ACAD9: variants seen among roughly 807,000 people sequenced by gnomAD.
ACAD9 encodes complex I assembly factor ACAD9, mitochondrial.
A neutral mutation model predicts 70.2 loss-of-function variants in ACAD9; 53 were observed. The observed-to-expected ratio is 0.75, with a 90% CI of 0.61 to 0.95. The LOEUF (loss-of-function observed/expected upper bound fraction) is 0.95, where lower values mean the gene tolerates loss of function less well. Among genes scored for constraint, ACAD9 ranks in the 40% least tolerant of loss-of-function variants. The pLI is 0.00. For missense variants in ACAD9, 777 were observed against 802.8 expected (o/e 0.97, Z 0.39); for synonymous variants, 313 against 312.1 (o/e 1.00, Z -0.03).
rs1440041441 is a variant in ACAD9 at position 128,895,247 on chromosome 3, A to G, written c.347-63A>G. On this transcript the variant is annotated intron_variant, in intron 3 of 17. Transcript: ENST00000308982. Reference sequence around the variant, plus strand: ...ATAATCAGAAGAAAAAAAAAAGCCAATGAAGCCTTAATGGGAGGAATCTAG... The same window carrying G: ...ATAATCAGAAGAAAAAAAAAAGCCAGTGAAGCCTTAATGGGAGGAATCTAG... The G allele has an allele frequency of 7.6e-6, 10 of 1,309,886 alleles. No homozygotes were observed. The African/African-American group carries it at 1.0e-4, about 14-fold the overall frequency. 81.1% of individuals were successfully genotyped at this position (1,309,886 alleles called of 1,614,324 possible).
rs370266841 is a variant in ACAD9 at position 128,908,215 on chromosome 3, G to A, written c.1309G>A (p.Ala437Thr). The stretch of plus-strand genomic sequence containing the variant: ...CAATGAGATTCTCCGGATGTACATC[G>A]CCCTGACGGGTCTGCAGCATGCCGG... ...GTNEILRMYI[A>T]LTGLQHAGRI... Residue 437 changes from alanine (A) to threonine (T), a missense_variant, in exon 13 of 18, where the codon GCC becomes ACC. Ala to Thr is a moderately conservative substitution (Grantham distance 58). Coordinates refer to ENST00000308982, the MANE Select transcript of ACAD9 (RefSeq NM_014049.5). 25 of 1,614,036 alleles carry A rather than the reference G, an allele frequency of 1.5e-5. No individual in the cohort carries two copies. The African/African-American group carries it at 1.9e-4, about 12-fold the overall frequency.
intron 15 of ACAD9, 57 bp downstream of exon 15, chr3:128,909,478 C>T: frequency 6.5e-7 from 1 of 1,530,836 alleles, no homozygotes; most frequent in South Asian, 1.1e-5. Context: ...GGCCAGCATT[C>T]ATGAGACTAC....
Position 128,879,689 on chromosome 3 carries a change from A to G in ACAD9, c.-3A>G. 6.2e-7 allele frequency: 1 copy of G among 1,612,374 alleles called. No homozygotes were observed. The highest frequency in any genetic ancestry group is 8.5e-7 in the Non-Finnish European group (1 of 1,179,878). On this transcript the variant is annotated 5_prime_UTR_variant, in exon 1 of 18. Transcript: ENST00000308982. ...AGGCTGAGGCTGGGGAACATCGGGC[A>G]GCATGAGCGGCTGCGGGCTCTTCCT...
chr3:128,912,104 G>C (rs1936389084), intron 17 of ACAD9, among the ~76,000 whole-genome samples: 1 of 152,200 alleles, frequency 6.6e-6, no homozygotes, highest in African/African-American at 2.4e-5. Flanking sequence ...TGTGGCACTT[G>C]CTGAGAGTGG....
chr3:128,897,855 A>AT, intron 6 of ACAD9, 145 bp downstream of exon 6: 8 of 817,614 alleles, frequency 9.8e-6, no homozygotes, highest in African/African-American at 1.7e-5. Flanking sequence ...TTTGTTTTTA[A>AT]TTTTTTTTAG....
At chr3:128,882,560 G>A (rs929555639) in intron 1 of ACAD9, among the ~76,000 whole-genome samples, 1 of 152,186 alleles carries the variant, frequency 6.6e-6, no homozygotes, top group African/African-American at 2.4e-5. Flanking sequence ...CTCAGATTGT[G>A]TAGGCCAGTG....
At chr3:128,899,512 T>A in intron 7 of ACAD9, 51 bp downstream of exon 7, 2 of 1,560,184 alleles carry the variant, frequency 1.3e-6, no homozygotes, top group Non-Finnish European at 1.7e-6. Flanking sequence ...AGGGGGAGAC[T>A]GGCCTTTGAC....
chr3:128,904,670 C>T (rs890191113), intron 11 of ACAD9, among the ~76,000 whole-genome samples, 165 bp downstream of exon 11: 3 of 152,114 alleles, frequency 2.0e-5, no homozygotes, highest in South Asian at 2.1e-4. Flanking sequence ...AGGCAGGCAG[C>T]GGGGAGCAGC....
intron 15 of ACAD9, 149 bp from the exon 16 acceptor site, chr3:128,909,872 C>T (rs772741021): frequency 5.3e-6 from 6 of 1,133,720 alleles, no homozygotes; most frequent in African/African-American, 1.5e-5. Context: ...GGGAGCCGTT[C>T]TCCCACAACC....
intron 1 of ACAD9, chr3:128,880,138 A>C: frequency 5.6e-6 from 5 of 891,410 alleles, no homozygotes; most frequent in Non-Finnish European, 8.0e-6. Flanking sequence ...CCTTCATCTC[A>C]GCTGGTCTGG....
At chr3:128,911,826 C>A (rs1936361491) in intron 17 of ACAD9, among the ~76,000 whole-genome samples, 2 of 152,226 alleles carry the variant, frequency 1.3e-5, no homozygotes, top group Admixed American at 6.5e-5. Flanking sequence ...CAGCATTTTA[C>A]CTGCCCCTTT....
intron 3 of ACAD9, among the ~76,000 whole-genome samples, chr3:128,894,774 A>G (rs905376941): frequency 5.3e-5 from 8 of 151,996 alleles, no homozygotes; most frequent in African/African-American, 1.7e-4. Flanking sequence ...GAACCAAGCA[A>G]TCCTCCCACC....
intron 1 of ACAD9, among the ~76,000 whole-genome samples, chr3:128,882,010 C>T (rs985856594): frequency 6.6e-6 from 1 of 152,150 alleles, no homozygotes; most frequent in Admixed American, 6.5e-5. Context: ...TCCCTGAACT[C>T]CAGATTCCTT....
chr3:128,890,739 A>G (rs1935397055), intron 2 of ACAD9, among the ~76,000 whole-genome samples: 1 of 152,178 alleles, frequency 6.6e-6, no homozygotes, highest in Non-Finnish European at 1.5e-5. Flanking sequence ...GTTTAGAACT[A>G]TGATTCATTA....
intron 12 of ACAD9, among the ~76,000 whole-genome samples, chr3:128,907,733 C>T (rs556834605): frequency 1.3e-5 from 2 of 152,244 alleles, no homozygotes; most frequent in South Asian, 4.1e-4. Context: ...AGCATGTGGC[C>T]CTCTGGGTGT....
chr3:128,889,821 C>T (rs757221903), intron 2 of ACAD9, among the ~76,000 whole-genome samples: 11 of 151,954 alleles, frequency 7.2e-5, no homozygotes, highest in Admixed American at 2.0e-4. Flanking sequence ...TTCCTTTTTT[C>T]CTCTTTTTCT....
At chr3:128,890,161 C>T (rs911807180) in intron 2 of ACAD9, among the ~76,000 whole-genome samples, 8 of 151,764 alleles carry the variant, frequency 5.3e-5, no homozygotes, top group Admixed American at 3.9e-4. Context: ...CATCTCGACT[C>T]ACTGCAACCT....
chr3:128,908,859 G>A (rs923692132), intron 13 of ACAD9, 114 bp from the exon 14 acceptor site: 8 of 1,550,488 alleles, frequency 5.2e-6, no homozygotes, highest in African/African-American at 1.4e-5. Flanking sequence ...CAGGGGCCCA[G>A]CATACCCAGG....
chr3:128,907,515 C>T (rs1474504587), intron 12 of ACAD9, among the ~76,000 whole-genome samples: 1 of 152,096 alleles, frequency 6.6e-6, no homozygotes, highest in Admixed American at 6.5e-5. Context: ...GGTGGTCCTG[C>T]CAGGAGGCCC....
Sources: allele counts gnomAD v4.1 joint callset (sites outside exome capture counted in the v4.1 genomes callset), GRCh38; gene constraint gnomAD v4.1.1; transcripts MANE v1.5; gene names NCBI Gene and HGNC (gene_info 2026-07-23, HGNC 2026-07-21).